VPS13B: variants seen among roughly 807,000 people sequenced by gnomAD.
The protein encoded by VPS13B is vacuolar protein sorting 13 homolog B.
A neutral mutation model predicts 426.4 loss-of-function variants in VPS13B; 285 were observed. The observed-to-expected ratio is 0.67, with a 90% CI of 0.61 to 0.74. The LOEUF is 0.74. Ranked by LOEUF, VPS13B falls within the 30% of genes least tolerant of loss-of-function variation. The probability of loss-of-function intolerance (pLI) is 0.00; values close to 1 mark genes in which losing one functional copy is unlikely to be tolerated. For missense variants in VPS13B, 4,537 were observed against 4,782.6 expected (o/e 0.95, Z 1.51); for synonymous variants, 1,676 against 1,676.4 (o/e 1.00, Z 0.01).
chr8:99,752,920 AC>A (rs1810469820), intron 39 of VPS13B, among the ~76,000 whole-genome samples: 1 of 152,164 alleles, frequency 6.6e-6, no homozygotes, highest in South Asian at 2.1e-4. Context: ...ATTTTTGAAA[AC>A]CATGACCGTC....
chr8:99,869,746 G>C (rs984320066), intron 59 of VPS13B, among the ~76,000 whole-genome samples: 1 of 152,204 alleles, frequency 6.6e-6, no homozygotes, highest in Non-Finnish European at 1.5e-5. Flanking sequence ...GAGGATCTTA[G>C]AGCAGAGCTT....
At chr8:99,069,341 G>A (rs928736513) in intron 3 of VPS13B, among the ~76,000 whole-genome samples, 42 of 152,194 alleles carry the variant, frequency 2.8e-4, no homozygotes, top group Non-Finnish European at 5.0e-4. Flanking sequence ...GGCTGAGGCA[G>A]GCAGATGGAT....
chr8:99,763,969 T>C (rs1456132456), intron 39 of VPS13B, among the ~76,000 whole-genome samples: 1 of 152,222 alleles, frequency 6.6e-6, no homozygotes, highest in Non-Finnish European at 1.5e-5. Flanking sequence ...GTAACGTTTA[T>C]TTCAACATTT....
intron 56 of VPS13B, among the ~76,000 whole-genome samples, chr8:99,858,852 C>T (rs1391498585): frequency 6.6e-6 from 1 of 152,164 alleles, no homozygotes; most frequent in Non-Finnish European, 1.5e-5. Flanking sequence ...GTTTGCATCC[C>T]CTTTGCGACA....
At chr8:99,824,557 AT>A (rs547408211) in intron 51 of VPS13B, among the ~76,000 whole-genome samples, 15 of 148,908 alleles carry the variant, frequency 1.0e-4, no homozygotes, top group South Asian at 4.3e-4. Context: ...GAGAGGAGAG[AT>A]TTTTTTTTCT....
At chr8:99,777,038 A>T in intron 41 of VPS13B, 82 bp downstream of exon 41, 3 of 1,480,350 alleles carry the variant, frequency 2.0e-6, no homozygotes, top group Non-Finnish European at 2.8e-6. Flanking sequence ...AGAAGTCAAC[A>T]ATCTTAGATA....
At chr8:99,398,894 T>C (rs559589138) in intron 21 of VPS13B, among the ~76,000 whole-genome samples, 1 of 152,186 alleles carries the variant, frequency 6.6e-6, no homozygotes, top group East Asian at 1.9e-4. Flanking sequence ...CCTCCTATTT[T>C]TCTCATACAG....
At chr8:99,743,855 C>T (rs540608913) in intron 39 of VPS13B, among the ~76,000 whole-genome samples, 2 of 152,260 alleles carry the variant, frequency 1.3e-5, no homozygotes, top group East Asian at 3.9e-4. Context: ...ACATGTTAGA[C>T]CTAAAACCAT....
At chr8:99,386,537 A>G (rs1481520780) in intron 20 of VPS13B, among the ~76,000 whole-genome samples, 1 of 152,202 alleles carries the variant, frequency 6.6e-6, no homozygotes, top group Non-Finnish European at 1.5e-5. Context: ...ACACAAAGGT[A>G]AGTATTTGTA....
rs986106473 is a variant in VPS13B at position 99,369,857 on chromosome 8, A to G, written c.2825-14351A>G. ...CCTACAGTGTCCCCAGTGATTCTAT[A>G]TTTTTTATATAATCCAAATAAAGAC... On this transcript the variant is annotated intron_variant, in intron 19 of 61. Coordinates refer to ENST00000357162, the MANE Select transcript of VPS13B (RefSeq NM_152564.5). Among the ~76,000 whole-genome samples, 5 of 152,176 alleles carry G rather than the reference A, an allele frequency of 3.3e-5. No homozygotes were observed. In the East Asian group the frequency reaches 9.6e-4, roughly 29 times the overall value.
intron 31 of VPS13B, among the ~76,000 whole-genome samples, chr8:99,574,907 T>A (rs1473414730): frequency 6.6e-6 from 1 of 152,214 alleles, no homozygotes; most frequent in Non-Finnish European, 1.5e-5. Context: ...TCAACACTTG[T>A]AATCCCAGCA....
chr8:99,871,646 C>A lies in VPS13B; in HGVS notation c.11694C>A (p.Asn3898Lys), dbSNP rs775434008. The stretch of plus-strand genomic sequence containing the variant: ...ACTGTGCACAGGACAGCAAGCAGAA[C>A]AACTTACTCACAGTGCAGCTCAAGC... ...EIDCAQDSKQ[N>K]NLLTVQLKQP... Residue 3898 changes from asparagine (N) to lysine (K), a missense_variant, in exon 61 of 62, where the codon AAC (asparagine) becomes AAA (lysine). Around this residue, in one of 2 missense-constraint regions of VPS13B, gnomAD observed 4,311 missense variants for 4,474.3 expected, o/e 0.96. Coordinates refer to ENST00000357162, the MANE Select transcript of VPS13B (RefSeq NM_152564.5). 1.4e-5 allele frequency: 23 copies of A among 1,614,028 alleles called. No individual in the cohort carries two copies.
At chr8:99,698,774 TAATAGA>T (rs1832142082) in intron 35 of VPS13B, among the ~76,000 whole-genome samples, 1 of 152,200 alleles carries the variant, frequency 6.6e-6, no homozygotes, top group South Asian at 2.1e-4. Flanking sequence ...GTCTTATTAA[TAATAGA>T]AATAGAGTGA....
chr8:99,329,784 C>G (rs1312970542), intron 19 of VPS13B, among the ~76,000 whole-genome samples: 3 of 151,932 alleles, frequency 2.0e-5, no homozygotes, highest in Non-Finnish European at 4.4e-5. Context: ...CAGACTGCAA[C>G]ATAGTGAATC....
At chr8:99,570,905 C>T (rs1825440076) in intron 31 of VPS13B, among the ~76,000 whole-genome samples, 1 of 152,118 alleles carries the variant, frequency 6.6e-6, no homozygotes, top group Admixed American at 6.6e-5. Flanking sequence ...GAGGACCACC[C>T]AGGTAATATA....
intron 19 of VPS13B, among the ~76,000 whole-genome samples, chr8:99,336,359 T>C (rs374140775): frequency 1.3e-5 from 2 of 152,096 alleles, no homozygotes; most frequent in African/African-American, 2.4e-5. Context: ...ATACAAAAAT[T>C]AATTCAAGAT....
rs966347167 is a variant in VPS13B, at chr8:99,787,630, C to A, written c.7941+3154C>A. ...ATTATGCTACGTTGAATCTAGGGAC[C>A]AGAAGTGTGAGTTTATAGAATGTTT... On this transcript the variant is annotated intron_variant, in intron 43 of 61. Transcript: ENST00000357162. Among the ~76,000 whole-genome samples, 11 of 152,064 alleles carry A rather than the reference C, an allele frequency of 7.2e-5. No individual in the cohort carries two copies. The South Asian group carries it at 8.3e-4, about 11-fold the overall frequency.
chr8:99,640,049 GAGAAA>G (rs563436577), intron 33 of VPS13B, among the ~76,000 whole-genome samples: 2,304 of 99,304 alleles, frequency 0.023, 58 homozygotes, highest in African/African-American at 0.051. Context: ...AGAAGAAGAA[GAGAAA>G]AGAAAAGAAA....
chr8:99,198,637 C>T (rs1157341339), intron 17 of VPS13B, among the ~76,000 whole-genome samples: 1 of 151,966 alleles, frequency 6.6e-6, no homozygotes, highest in Admixed American at 6.6e-5. Flanking sequence ...CAAGTTCTGT[C>T]ATTTAGAAAC....
Sources: allele counts gnomAD v4.1 joint callset (sites outside exome capture counted in the v4.1 genomes callset), GRCh38; gene constraint gnomAD v4.1.1; regional missense constraint gnomAD v4.1.1; transcripts MANE v1.5; gene names NCBI Gene and HGNC (gene_info 2026-07-23, HGNC 2026-07-21).